The following JCAD variants were observed in gnomAD, a reference collection of about 807,000 sequenced individuals.
JCAD encodes junctional cadherin 5-associated protein.
Under a neutral mutation model 98.0 loss-of-function variants are expected in JCAD, and 40 were observed. The ratio of observed to expected loss-of-function variants is 0.41; its 90% CI spans 0.32 to 0.53. The LOEUF is 0.53. Ranked by LOEUF, JCAD falls within the 20% of genes least tolerant of loss-of-function variation. The pLI is 0.31. For missense variants in JCAD, 1,705 were observed against 1,738.1 expected, an observed-to-expected ratio of 0.98 and a Z score of 0.34; for synonymous variants, 691 against 682.3, an observed-to-expected ratio of 1.01 and a Z score of -0.20.
chr10:30,065,038 G>A (rs1837760802), intron 2 of JCAD, among the ~76,000 whole-genome samples: 1 of 152,210 alleles, frequency 6.6e-6, no homozygotes, highest in African/African-American at 2.4e-5. Context: ...TCAGGCAATA[G>A]TGGTTACACA....
intron 1 of JCAD, among the ~76,000 whole-genome samples, chr10:30,105,026 A>G (rs1838547671): frequency 6.6e-6 from 1 of 152,166 alleles, no homozygotes; most frequent in Admixed American, 6.6e-5. Context: ...TTTTTACTTT[A>G]CAGATCAGGA....
upstream of JCAD, among the ~76,000 whole-genome samples, chr10:30,061,544 G>GAA (rs1193710843): frequency 0.037 from 4,348 of 116,226 alleles, 215 homozygotes; most frequent in African/African-American, 0.12. Context: ...TCTGTCTCAA[G>GAA]AAAAAAAAAA....
intron 1 of JCAD, among the ~76,000 whole-genome samples, chr10:30,079,967 G>T (rs544339132): frequency 1.3e-5 from 2 of 152,152 alleles, no homozygotes; most frequent in African/African-American, 4.8e-5. Context: ...CACAGAAAGA[G>T]CAAGAATGAT....
intron 1 of JCAD, among the ~76,000 whole-genome samples, chr10:30,090,686 G>C (rs919518067): frequency 6.6e-6 from 1 of 152,118 alleles, no homozygotes; most frequent in African/African-American, 2.4e-5. Flanking sequence ...ATGACGCGCA[G>C]GACCCTAAAA....
chr10:30,041,929 T>C (rs1277728934), intron 2 of JCAD, among the ~76,000 whole-genome samples: 1 of 152,256 alleles, frequency 6.6e-6, no homozygotes, highest in East Asian at 1.9e-4. Context: ...GTTTCCTCCA[T>C]GTGCAGATAA....
At chr10:30,084,847 A>G (rs1446850430) in intron 1 of JCAD, among the ~76,000 whole-genome samples, 2 of 151,962 alleles carry the variant, frequency 1.3e-5, no homozygotes, top group East Asian at 3.9e-4. Flanking sequence ...CTATCCATCC[A>G]TCCATCCATC....
chr10:30,018,541 G>T (rs1037065263), intron 3 of JCAD, among the ~76,000 whole-genome samples: 1 of 152,078 alleles, frequency 6.6e-6, no homozygotes, highest in African/African-American at 2.4e-5. Flanking sequence ...GGCCCCTCAC[G>T]CACTGATCCA....
chr10:30,112,334 C>T (rs1453152708), intron 1 of JCAD, among the ~76,000 whole-genome samples: 1 of 151,688 alleles, frequency 6.6e-6, no homozygotes, highest in East Asian at 1.9e-4. Context: ...AAAAAATTAG[C>T]TGGGTACAAC....
chr10:30,037,676 AG>A lies in JCAD; in HGVS notation c.282-7811del, dbSNP rs563701489. ...AAAATACACAAATAATGGGTCTGGA[AG>A]AGGAAGCATAATAAATTTGAGGACT... On this transcript the variant is annotated intron_variant, in intron 2 of 3. Transcript: ENST00000375377. Among the ~76,000 whole-genome samples the A allele has an allele frequency of 1.4e-4, 22 of 152,286 alleles. No homozygotes were observed. In the South Asian group the frequency reaches 4.6e-3, roughly 32 times the overall value.
At position 30,014,481 on chromosome 10, in the gene JCAD, A is replaced by G. The variant is rs1453636013; in HGVS notation, c.*3402T>C. 1 of 152,242 alleles carries G rather than the reference A, an allele frequency of 6.6e-6. No individual in the cohort carries two copies. Among genetic ancestry groups the G allele is most frequent in the Non-Finnish European group, 1.5e-5 (1 of 68,044 alleles). 9.4% of individuals were successfully genotyped at this position (152,242 alleles called of 1,614,324 possible). ...ACTTTGCAAGAGATGCTATCCTGACATTTAATTGTGTATTATTTAATCATT... is the reference window on the plus strand; with the variant it reads ...ACTTTGCAAGAGATGCTATCCTGACGTTTAATTGTGTATTATTTAATCATT... On this transcript the variant is annotated 3_prime_UTR_variant, in exon 4 of 4. Transcript: ENST00000375377.
At chr10:30,099,453 T>A (rs2132705972) in intron 1 of JCAD, among the ~76,000 whole-genome samples, 1 of 152,250 alleles carries the variant, frequency 6.6e-6, no homozygotes, top group South Asian at 2.1e-4. Flanking sequence ...TTAGTACCAA[T>A]TTCTTGATAT....
At chr10:30,097,787 A>T (rs958975169) in intron 1 of JCAD, among the ~76,000 whole-genome samples, 2 of 152,122 alleles carry the variant, frequency 1.3e-5, no homozygotes, top group Non-Finnish European at 2.9e-5. Flanking sequence ...TAAATAAAGG[A>T]AAGAAAAGAG....
chr10:30,087,181 G>A (rs1262807083), intron 1 of JCAD, among the ~76,000 whole-genome samples: 4 of 152,164 alleles, frequency 2.6e-5, no homozygotes, highest in South Asian at 2.1e-4. Flanking sequence ...GGTAGCTCAC[G>A]CCTGTAATCC....
chr10:30,048,827 CA>C, intron 1 of JCAD, among the ~76,000 whole-genome samples: 1 of 152,288 alleles, frequency 6.6e-6, no homozygotes, highest in Non-Finnish European at 1.5e-5. Context: ...CTCTGCCTTC[CA>C]AAGTGCTGGG....
chr10:30,070,552 C>T lies in JCAD; in HGVS notation n.129-731G>A, dbSNP rs377522796. 2.0e-5 allele frequency among the ~76,000 whole-genome samples: 3 copies of T among 152,226 alleles called. No individual in the cohort carries two copies. In the South Asian group the frequency reaches 6.2e-4, roughly 32 times the overall value. On this transcript the variant is annotated intron_variant and non_coding_transcript_variant, in intron 1 of 2. Transcript: ENST00000465712. ...TGAATTATTTGTCCGCATCTTTTTA[C>T]AGTCTTCCATATAGTTCTGGATGCC...
At position 30,027,184 on chromosome 10, in the gene JCAD, C is replaced by A. The variant is rs372741081; in HGVS notation, c.2964G>T (p.Leu988=). ...TAGGTTCAGCTGGATAGGACGCGGG[C>A]AGTGGTTTTGCGTCACTTGATCTTG... is the stretch of plus-strand genomic sequence containing the variant. The part of the protein sequence containing the change: ...MSSRSSDAKP[L]PASYPAEPRE... Residue 988 remains leucine, a synonymous_variant, in exon 3 of 4, where the codon CTG becomes CTT. Transcript: ENST00000375377. 38 of 1,614,210 alleles carry A rather than the reference C, an allele frequency of 2.4e-5. No individual in the cohort carries two copies. The African/African-American group carries it at 4.9e-4, about 21-fold the overall frequency.
chr10:30,106,633 T>G (rs1838588171), intron 1 of JCAD, among the ~76,000 whole-genome samples: 1 of 152,168 alleles, frequency 6.6e-6, no homozygotes, highest in Non-Finnish European at 1.5e-5. Context: ...CCTGAGTAGC[T>G]GGGGTTACAG....
intron 1 of JCAD, among the ~76,000 whole-genome samples, chr10:30,053,686 C>T (rs968641278): frequency 7.9e-5 from 12 of 151,724 alleles, no homozygotes; most frequent in Non-Finnish European, 8.8e-5. Flanking sequence ...CAGAGATACA[C>T]ACTGTTTTGT....
intron 1 of JCAD, among the ~76,000 whole-genome samples, chr10:30,101,199 G>A (rs1220611811): frequency 6.6e-6 from 1 of 152,180 alleles, no homozygotes; most frequent in African/African-American, 2.4e-5. Context: ...ACAAGGTCAG[G>A]AGTTTGAGAC....
Sources: allele counts gnomAD v4.1 joint callset (sites outside exome capture counted in the v4.1 genomes callset), GRCh38; gene constraint gnomAD v4.1.1; transcripts MANE v1.5; gene names NCBI Gene and HGNC (gene_info 2026-07-23, HGNC 2026-07-21).